Variants in PCDHGA10 observed in about 807,000 individuals in gnomAD.
PCDHGA10 encodes the protein protocadherin gamma-A10.
PCDHGA10 carries 42 observed loss-of-function variants against 59.5 expected under a neutral mutation model. That is an observed-to-expected ratio of 0.71 (90% CI 0.55 to 0.91). The LOEUF (loss-of-function observed/expected upper bound fraction) is 0.91, where lower values mean the gene tolerates loss of function less well. Ranked by LOEUF, PCDHGA10 falls within the 40% of genes least tolerant of loss-of-function variation. The pLI is 0.00. For synonymous variants in PCDHGA10, 511 were observed against 517.2 expected (o/e 0.99, Z 0.16); for missense variants, 1,111 against 1,198.2 (o/e 0.93, Z 1.07).
Position 141,490,397 on chromosome 5 carries a change from G to A in PCDHGA10, c.2437-4410G>A. 6.2e-7 allele frequency: 1 copy of A among 1,614,170 alleles called. No individual in the cohort carries two copies. Among genetic ancestry groups the A allele is most frequent in the South Asian group, 1.1e-5 (1 of 91,080 alleles). On this transcript the variant is annotated intron_variant, in intron 1 of 3. Coordinates refer to ENST00000398610, the MANE Select transcript of PCDHGA10 (RefSeq NM_018913.3). This position sits in a 1 kb window ranked among gnomAD's most constrained non-coding sequence, Gnocchi z 5.4. ...GACTCAGGTAGAAATGGTGAAGTGA[G>A]CCTTGATATCTCTCCGGACCTGCCA...
chr5:141,489,729 C>T lies in PCDHGA10; in HGVS notation c.2437-5078C>T, dbSNP rs760195181. ...ACAGTGCCCAGGATCCGGATGTGGGCACCAATACTGTGAGCTTTTACACTC... is the reference window on the plus strand; with the variant it reads ...ACAGTGCCCAGGATCCGGATGTGGGTACCAATACTGTGAGCTTTTACACTC... On this transcript the variant is annotated intron_variant, in intron 1 of 3. Transcript: ENST00000398610. The surrounding 1 kb of genome is among the most constrained non-coding windows in gnomAD (Gnocchi z 4.5). 2.5e-6 allele frequency: 4 copies of T among 1,614,152 alleles called. No individual in the cohort carries two copies. The highest frequency in any genetic ancestry group is 2.2e-5 in the East Asian group (1 of 44,876).
chr5:141,495,833 G>A (rs559689667), intron 2 of PCDHGA10, among the ~76,000 whole-genome samples: 3 of 151,876 alleles, frequency 2.0e-5, no homozygotes, highest in African/African-American at 4.8e-5. Context: ...TCTATCCCCA[G>A]CCTCTATGTT....
chr5:141,475,862 T>G, intron 1 of PCDHGA10: 1 of 492,756 alleles, frequency 2.0e-6, no homozygotes, highest in Non-Finnish European at 3.6e-6. Context: ...GCTAGCTCAT[T>G]CTTCGTGCAG....
intron 1 of PCDHGA10, among the ~76,000 whole-genome samples, chr5:141,455,137 G>A (rs892739175): frequency 2.7e-5 from 4 of 150,642 alleles, no homozygotes; most frequent in African/African-American, 9.8e-5. Flanking sequence ...ATTACACTGT[G>A]TTAAATAAAT....
rs2099883782 is a variant in PCDHGA10 at position 141,511,420 on chromosome 5, G to C, written c.*247G>C. The C allele has an allele frequency of 1.2e-6, 1 of 830,744 alleles. No homozygotes were observed. The allele number at this position is 830,744 out of a possible 1,614,324, so 51.5% of individuals were successfully genotyped here. On this transcript the variant is annotated 3_prime_UTR_variant, in exon 4 of 4. Transcript: ENST00000398610. ...TCCAATCAACTGCTGTACCCATGGG[G>C]GTAGTGGGGTTACTGTAGACACCAA...
chr5:141,491,441 A>G lies in PCDHGA10; in HGVS notation c.2437-3366A>G, dbSNP rs776616506. 1.2e-6 allele frequency: 2 copies of G among 1,614,146 alleles called. No homozygotes were observed. The highest frequency in any genetic ancestry group is 1.7e-6 in the Non-Finnish European group (2 of 1,180,032). ...GGTGGAGGGCAGTGCTGCAGGCGCCAGGACTCACCCTCCCCGGACTTCTAT... is the reference window on the plus strand; with the variant it reads ...GGTGGAGGGCAGTGCTGCAGGCGCCGGGACTCACCCTCCCCGGACTTCTAT... On this transcript the variant is annotated intron_variant, in intron 1 of 3. Coordinates refer to ENST00000398610, the MANE Select transcript of PCDHGA10 (RefSeq NM_018913.3). The surrounding 1 kb of genome is among the most constrained non-coding windows in gnomAD (Gnocchi z 6.9).
intron 1 of PCDHGA10, among the ~76,000 whole-genome samples, chr5:141,469,103 C>G (rs949254605): frequency 6.6e-6 from 1 of 151,844 alleles, no homozygotes; most frequent in Non-Finnish European, 1.5e-5. Flanking sequence ...AAAGCAAGAA[C>G]CTGTCTCTAA....
chr5:141,441,547 A>G (rs1393958373), intron 1 of PCDHGA10: 1 of 182,772 alleles, frequency 5.5e-6, no homozygotes, highest in Admixed American at 6.4e-5. Context: ...CAAAGCCTCC[A>G]TAGTGTGCAA....
At position 141,444,152 on chromosome 5, in the gene PCDHGA10, A is replaced by ATTT. The variant is rs747671382; in HGVS notation, c.2436+28575_2436+28577dup. 1.9e-3 allele frequency among the ~76,000 whole-genome samples: 66 copies of ATTT among 33,898 alleles called. 23 individuals are homozygous for ATTT. Among genetic ancestry groups the ATTT allele is most frequent in the African/African-American group, 4.6e-3 (33 of 7,184 alleles). The allele number at this position is 33,898 out of a possible 152,430, so 22.2% of individuals were successfully genotyped here. A position where few individuals can be genotyped will look rare whatever the true frequency, so the allele number is the denominator to read the frequency against. On this transcript the variant is annotated intron_variant, in intron 1 of 3. Transcript: ENST00000398610. Reference sequence around the variant, plus strand: ...GATATGTGTCACTTGTGTGTACTGGATTTTTTTTTTTTTTTTTTTTTTTTT... The same window carrying ATTT: ...GATATGTGTCACTTGTGTGTACTGGATTTTTTTTTTTTTTTTTTTTTTTTTTTT...
chr5:141,489,459 C>T lies in PCDHGA10; in HGVS notation c.2437-5348C>T. The T allele has an allele frequency of 6.2e-7, 1 of 1,614,086 alleles. No homozygotes were observed. The highest frequency in any genetic ancestry group is 8.5e-7 in the Non-Finnish European group (1 of 1,180,012). On this transcript the variant is annotated intron_variant, in intron 1 of 3. Coordinates refer to ENST00000398610, the MANE Select transcript of PCDHGA10 (RefSeq NM_018913.3). The surrounding 1 kb of genome is among the most constrained non-coding windows in gnomAD (Gnocchi z 4.5). The stretch of plus-strand genomic sequence containing the variant: ...AATTGGGCTCTGAGGAGAATGGGCG[C>T]TATTTTTCCCTGAGCTTGATGAGTG...
At chr5:141,455,506 G>T (rs1307993951) in intron 1 of PCDHGA10, among the ~76,000 whole-genome samples, 1 of 152,152 alleles carries the variant, frequency 6.6e-6, no homozygotes, top group African/African-American at 2.4e-5. Flanking sequence ...ATTTGCATAG[G>T]GCTCAGGGGA....
intron 1 of PCDHGA10, chr5:141,479,247 C>A (rs1428944159): frequency 6.6e-6 from 1 of 152,084 alleles, no homozygotes; most frequent in Non-Finnish European, 1.5e-5. Flanking sequence ...CAAAGATAAC[C>A]ATTTTTAATT....
intron 1 of PCDHGA10, chr5:141,418,522 C>A: frequency 6.2e-7 from 1 of 1,614,000 alleles, no homozygotes; most frequent in Non-Finnish European, 8.5e-7. Flanking sequence ...GGGACCCTCC[C>A]CGAAGCGGTA....
rs748462670 is a variant in PCDHGA10, at chr5:141,478,010, C to T, written c.2437-16797C>T. Reference sequence around the variant, plus strand: ...GCACACTGGTCAAATCAGTACTGCCCGTCCAGTCCAAGACACAGATTCACC... The same window carrying T: ...GCACACTGGTCAAATCAGTACTGCCTGTCCAGTCCAAGACACAGATTCACC... On this transcript the variant is annotated intron_variant, in intron 1 of 3. Coordinates refer to ENST00000398610, the MANE Select transcript of PCDHGA10 (RefSeq NM_018913.3). 9 of 1,614,008 alleles carry T rather than the reference C, an allele frequency of 5.6e-6. No homozygotes were observed. The highest frequency in any genetic ancestry group is 1.7e-5 in the Admixed American group (1 of 59,998).
rs113212669 is a variant in PCDHGA10 at position 141,465,048 on chromosome 5, A to T, written c.2437-29759A>T. 2.4e-3 allele frequency among the ~76,000 whole-genome samples: 362 copies of T among 151,344 alleles called. 4 individuals are homozygous for T. Among genetic ancestry groups the T allele is most frequent in the African/African-American group, 8.4e-3 (346 of 41,268 alleles). On this transcript the variant is annotated intron_variant, in intron 1 of 3. Transcript: ENST00000398610. ...TGAACCACCACAAATGACCCTATAT[A>T]TTTTTTTGAATTGTCTGTTCATGTC...
chr5:141,490,111 A>G lies in PCDHGA10; in HGVS notation c.2437-4696A>G. 6.2e-7 allele frequency: 1 copy of G among 1,614,244 alleles called. No individual in the cohort carries two copies. The highest frequency in any genetic ancestry group is 8.5e-7 in the Non-Finnish European group (1 of 1,180,042). On this transcript the variant is annotated intron_variant, in intron 1 of 3. Coordinates refer to ENST00000398610, the MANE Select transcript of PCDHGA10 (RefSeq NM_018913.3). The surrounding 1 kb of genome is among the most constrained non-coding windows in gnomAD (Gnocchi z 5.4). ...AGACCACACATCTGAGGCAGTGCGGAACCTCTTTGGCCTAGACCCTAGCAG... is the reference window on the plus strand; with the variant it reads ...AGACCACACATCTGAGGCAGTGCGGGACCTCTTTGGCCTAGACCCTAGCAG...
intron 1 of PCDHGA10, among the ~76,000 whole-genome samples, chr5:141,447,353 G>C (rs559895274): frequency 6.6e-6 from 1 of 152,032 alleles, no homozygotes; most frequent in Admixed American, 6.6e-5. Context: ...TGGTCAGGCT[G>C]GTCTCAAACT....
intron 1 of PCDHGA10, chr5:141,416,673 C>A (rs1259750007): frequency 6.6e-6 from 1 of 151,958 alleles, no homozygotes; most frequent in Non-Finnish European, 1.5e-5. Flanking sequence ...ATATATGCAA[C>A]GAAGGGAAAT....
In PCDHGA10 at chr5:141,476,182, G is replaced by A. The variant is rs369561139; in HGVS notation, c.2437-18625G>A. On this transcript the variant is annotated intron_variant, in intron 1 of 3. Coordinates refer to ENST00000398610, the MANE Select transcript of PCDHGA10 (RefSeq NM_018913.3). This position sits in a 1 kb window ranked among gnomAD's most constrained non-coding sequence, Gnocchi z 7.6. ...GGAGGGTAGTGGGAGTTTTGCTTCT[G>A]CTTGGTGCCTTGAACAAGGCTTCCA... 5 of 1,613,554 alleles carry A rather than the reference G, an allele frequency of 3.1e-6. No homozygotes were observed. Among genetic ancestry groups the A allele is most frequent in the Admixed American group, 1.7e-5 (1 of 59,996 alleles).
Sources: gnomAD v4.1 joint callset for allele counts (sites outside exome capture counted in the v4.1 genomes callset) on GRCh38, gnomAD v4.1.1 for gene constraint, Gnocchi (gnomAD v3.1) non-coding constraint, MANE v1.5 for transcripts, NCBI Gene and HGNC (gene_info 2026-07-23, HGNC 2026-07-21) for gene names.